FIP1L1: variants seen among roughly 807,000 people sequenced by gnomAD.
The protein encoded by FIP1L1 is pre-mRNA 3'-end-processing factor FIP1.
In FIP1L1, 21 loss-of-function variants were observed where a neutral mutation model predicts 84.6. The observed-to-expected ratio is 0.25, with a 90% confidence interval of 0.18 to 0.36. FIP1L1 has a LOEUF of 0.36. FIP1L1 is among the 10% of genes least tolerant of loss of function. FIP1L1 has a pLI of 1.00. For missense variants in FIP1L1, 526 were observed against 751.1 expected, an observed-to-expected ratio of 0.70 and a Z score of 3.50; for synonymous variants, 263 against 242.3, an observed-to-expected ratio of 1.09 and a Z score of -0.80.
intron 7 of FIP1L1, 122 bp downstream of exon 7, chr4:53,390,750 G>C (rs1743840462): frequency 1.5e-6 from 1 of 667,206 alleles, no homozygotes; most frequent in East Asian, 2.9e-5. Flanking sequence ...TTAAGCAAAT[G>C]ATGAGTAATA....
At chr4:53,398,586 G>T (rs1441824710) in intron 9 of FIP1L1, among the ~76,000 whole-genome samples, 5 of 152,156 alleles carry the variant, frequency 3.3e-5, no homozygotes, top group Admixed American at 6.5e-5. Flanking sequence ...TTTAAATGGA[G>T]CAGGGAATTT....
chr4:53,403,586 G>T (rs1751404807), intron 10 of FIP1L1, among the ~76,000 whole-genome samples: 1 of 152,144 alleles, frequency 6.6e-6, no homozygotes. Context: ...TGCTGATTGT[G>T]GAAGTGTTTT....
chr4:53,379,330 C>A lies in FIP1L1; in HGVS notation c.170+66C>A. The A allele has an allele frequency of 2.2e-6, 3 of 1,350,494 alleles. No homozygotes were observed. The South Asian group carries it at 4.3e-5, about 19-fold the overall frequency. 83.7% of individuals were successfully genotyped at this position (1,350,494 alleles called of 1,614,324 possible). A position where few individuals can be genotyped will look rare whatever the true frequency, so the allele number is the denominator to read the frequency against. The stretch of plus-strand genomic sequence containing the variant: ...GTGAAACAATGGTTCTGTCAGTTGT[C>A]AAAATTATTTTCTTACAATCATTGG... On this transcript the variant is annotated intron_variant, in intron 3 of 17. Transcript: ENST00000337488.
intron 9 of FIP1L1, among the ~76,000 whole-genome samples, chr4:53,397,194 T>G (rs1314518938): frequency 1.3e-5 from 2 of 152,224 alleles, no homozygotes; most frequent in East Asian, 3.8e-4. Flanking sequence ...CCGATGACAC[T>G]AATACATCAT....
rs1338025822 is a variant in FIP1L1 at position 53,460,750 on chromosome 4, C to G, written c.*1301C>G. ...TTTAATTTTTTTGGAATCATATTTTCTGAGGTGTAACTGGCTTTCATTAGA... is the reference window on the plus strand; with the variant it reads ...TTTAATTTTTTTGGAATCATATTTTGTGAGGTGTAACTGGCTTTCATTAGA... On this transcript the variant is annotated 3_prime_UTR_variant, in exon 18 of 18. Coordinates refer to ENST00000337488, the MANE Select transcript of FIP1L1 (RefSeq NM_030917.4). 2 of 695,784 alleles carry G rather than the reference C, an allele frequency of 2.9e-6. No individual in the cohort carries two copies. The highest frequency in any genetic ancestry group is 4.6e-6 in the Non-Finnish European group (2 of 433,962). 43.1% of individuals were successfully genotyped at this position (695,784 alleles called of 1,614,324 possible).
intron 16 of FIP1L1, among the ~76,000 whole-genome samples, chr4:53,458,175 TTC>T (rs923061352): frequency 1.1e-3 from 165 of 152,266 alleles, no homozygotes; most frequent in African/African-American, 3.7e-3. Flanking sequence ...CTTATTTGCT[TTC>T]TGTTTTGTAG....
At chr4:53,424,062 AT>A (rs969022750) in intron 11 of FIP1L1, among the ~76,000 whole-genome samples, 1 of 152,160 alleles carries the variant, frequency 6.6e-6, no homozygotes, top group South Asian at 2.1e-4. Context: ...GTCCAAACAA[AT>A]TTGGTAGAAT....
At chr4:53,419,497 G>A (rs1478239833) in intron 11 of FIP1L1, among the ~76,000 whole-genome samples, 1 of 152,098 alleles carries the variant, frequency 6.6e-6, no homozygotes, top group East Asian at 1.9e-4. Context: ...GTTGAGTGTA[G>A]TGGTGGGATC....
chr4:53,451,973 T>G (rs1716309762), intron 15 of FIP1L1, among the ~76,000 whole-genome samples: 1 of 151,496 alleles, frequency 6.6e-6, no homozygotes, highest in African/African-American at 2.4e-5. Flanking sequence ...AAGCTCCGCC[T>G]CCCAGGTTCA....
intron 11 of FIP1L1, among the ~76,000 whole-genome samples, chr4:53,422,857 A>G (rs1460437099): frequency 1.3e-5 from 2 of 152,070 alleles, no homozygotes; most frequent in Admixed American, 1.3e-4. Context: ...TGGGACCACA[A>G]GCATGTGCTA....
intron 10 of FIP1L1, 48 bp from the exon 11 acceptor site, chr4:53,414,567 C>A: frequency 7.7e-7 from 1 of 1,293,378 alleles, no homozygotes; most frequent in South Asian, 1.3e-5. Flanking sequence ...CAAGGGGGGT[C>A]AGAGACAACA....
chr4:53,389,869 T>C lies in FIP1L1; in HGVS notation c.393T>C (p.Thr131=). ...AGACAGGGGGAAGAGTTTATGGAAC[T>C]ACAGGTAAAATTTGTATTTTCTGTT... ...NIKTGGRVYG[T]TGTKVKGVDL... Residue 131 remains threonine (T), a synonymous_variant, in exon 6 of 18, where the codon ACT becomes ACC. Transcript: ENST00000337488. 1 of 1,601,434 alleles carries C rather than the reference T, an allele frequency of 6.2e-7. No individual in the cohort carries two copies. Among genetic ancestry groups the C allele is most frequent in the Non-Finnish European group, 8.5e-7 (1 of 1,175,196 alleles).
intron 10 of FIP1L1, among the ~76,000 whole-genome samples, chr4:53,411,210 C>T (rs1757059066): frequency 6.6e-6 from 1 of 152,002 alleles, no homozygotes; most frequent in Non-Finnish European, 1.5e-5. Flanking sequence ...AATGATGGGC[C>T]ATTGGCTAAG....
chr4:53,387,147 A>G (rs1741523879), intron 5 of FIP1L1, among the ~76,000 whole-genome samples: 1 of 152,216 alleles, frequency 6.6e-6, no homozygotes, highest in Non-Finnish European at 1.5e-5. Flanking sequence ...TGAATGGGAA[A>G]ATAGTACATT....
chr4:53,439,183 A>G (rs538584810), intron 13 of FIP1L1, among the ~76,000 whole-genome samples: 52 of 152,270 alleles, frequency 3.4e-4, no homozygotes, highest in African/African-American at 1.3e-3. Context: ...CTGGGACTCT[A>G]CTAGCTTGTA....
At chr4:53,431,902 C>G (rs2150070351) in intron 13 of FIP1L1, among the ~76,000 whole-genome samples, 1 of 152,268 alleles carries the variant, frequency 6.6e-6, no homozygotes, top group Non-Finnish European at 1.5e-5. Flanking sequence ...ATTGCCTCCT[C>G]TCACCCTTAA....
intron 11 of FIP1L1, among the ~76,000 whole-genome samples, chr4:53,416,087 G>C (rs191599027): frequency 6.6e-6 from 1 of 152,298 alleles, no homozygotes; most frequent in Non-Finnish European, 1.5e-5. Flanking sequence ...GATCTGACAA[G>C]TGTAGAATGA....
intron 3 of FIP1L1, among the ~76,000 whole-genome samples, chr4:53,381,760 T>C (rs1401824860): frequency 1.4e-5 from 1 of 69,810 alleles, no homozygotes; most frequent in Non-Finnish European, 3.8e-5. Flanking sequence ...ATTCTTTTTT[T>C]TTTTTTTTTT....
intron 10 of FIP1L1, among the ~76,000 whole-genome samples, chr4:53,403,541 A>G (rs1751379954): frequency 6.6e-6 from 1 of 152,160 alleles, no homozygotes; most frequent in South Asian, 2.1e-4. Flanking sequence ...CGTGCTTCGG[A>G]TTTGACAAAC....
Sources: gnomAD v4.1 joint callset for allele counts (sites outside exome capture counted in the v4.1 genomes callset) on GRCh38, gnomAD v4.1.1 for gene constraint, MANE v1.5 for transcripts, NCBI Gene and HGNC (gene_info 2026-07-23, HGNC 2026-07-21) for gene names.